Variants in OSBPL10 observed in about 807,000 individuals in gnomAD.
OSBPL10 encodes the protein oxysterol binding protein like 10, also known as oxysterol-binding protein-related protein 10.
OSBPL10 carries 49 observed loss-of-function variants against 81.7 expected under a neutral mutation model. The ratio of observed to expected loss-of-function variants is 0.60; its 90% CI spans 0.48 to 0.76. The LOEUF (loss-of-function observed/expected upper bound fraction) is 0.76, where lower values mean the gene tolerates loss of function less well. Ranked by LOEUF, OSBPL10 falls within the 30% of genes least tolerant of loss-of-function variation. OSBPL10 has a pLI of 0.00. For synonymous variants in OSBPL10, 419 were observed against 383.6 expected (o/e 1.09, Z -1.08); for missense variants, 923 against 987.8 (o/e 0.93, Z 0.88).
chr3:31,891,968 T>G (rs889567204), intron 1 of OSBPL10, among the ~76,000 whole-genome samples: 1 of 152,168 alleles, frequency 6.6e-6, no homozygotes. Context: ...ACATGTGGTA[T>G]GGGTGACAAA....
At chr3:31,808,409 T>A (rs1699574697) in intron 4 of OSBPL10, among the ~76,000 whole-genome samples, 1 of 152,232 alleles carries the variant, frequency 6.6e-6, no homozygotes, top group African/African-American at 2.4e-5. Context: ...GGCAACAGTA[T>A]CTCTATCCAA....
At chr3:32,014,052 TC>T (rs1450839875) in intron 2 of OSBPL10, among the ~76,000 whole-genome samples, 1 of 152,106 alleles carries the variant, frequency 6.6e-6, no homozygotes, top group African/African-American at 2.4e-5. Context: ...CTGAAACTAT[TC>T]CAATCAATAG....
chr3:31,664,013 A>G, intron 11 of OSBPL10, 66 bp downstream of exon 11: 1 of 1,613,470 alleles, frequency 6.2e-7, no homozygotes. Flanking sequence ...AGCAAGAAAA[A>G]CCCATCTACC....
At chr3:31,690,704 T>G (rs1238717644) in intron 7 of OSBPL10, among the ~76,000 whole-genome samples, 1 of 152,156 alleles carries the variant, frequency 6.6e-6, no homozygotes, top group Non-Finnish European at 1.5e-5. Flanking sequence ...AAAAATAGAA[T>G]ACCTGGAGAG....
At position 31,842,772 on chromosome 3, in the gene OSBPL10, A is replaced by G. The variant is rs113921285; in HGVS notation, c.538-12541T>C. Among the ~76,000 whole-genome samples the G allele has an allele frequency of 6.7e-3, 1,018 of 152,266 alleles. 16 individuals carry two copies. Among genetic ancestry groups the G allele is most frequent in the South Asian group, 0.06 (287 of 4,810 alleles). The stretch of plus-strand genomic sequence containing the variant: ...TCCTACAGCTTTAACAGACTTAGTG[A>G]CTTTAAGTCTAACGGATCAACTGGC... On this transcript the variant is annotated intron_variant, in intron 3 of 11. Coordinates refer to ENST00000396556, the MANE Select transcript of OSBPL10 (RefSeq NM_017784.5).
chr3:31,777,079 T>C lies in OSBPL10; in HGVS notation c.730-28959A>G, dbSNP rs904710287. Among the ~76,000 whole-genome samples the C allele has an allele frequency of 3.9e-5, 6 of 152,342 alleles. 2 individuals are homozygous for C. Among genetic ancestry groups the C allele is most frequent in the Admixed American group, 1.3e-4 (2 of 15,286 alleles). Reference sequence around the variant, plus strand: ...TAAATGTTGTTTACTATAAAAGTCATGCAATTATCAATGGAGTTTGCAACT... The same window carrying C: ...TAAATGTTGTTTACTATAAAAGTCACGCAATTATCAATGGAGTTTGCAACT... On this transcript the variant is annotated intron_variant, in intron 4 of 11. Transcript: ENST00000396556.
chr3:31,663,798 G>A (rs1356300925), intron 11 of OSBPL10: 11 of 1,348,796 alleles, frequency 8.2e-6, no homozygotes, highest in East Asian at 3.2e-5. Context: ...GTCCCATCGC[G>A]ATCCCTCACA....
intron 3 of OSBPL10, among the ~76,000 whole-genome samples, chr3:31,876,150 C>G (rs577395466): frequency 6.6e-6 from 1 of 152,060 alleles, no homozygotes; most frequent in East Asian, 1.9e-4. Flanking sequence ...TAGAGCTTCT[C>G]AATAGACCAA....
At chr3:31,728,461 C>CT (rs1696875874) in intron 6 of OSBPL10, among the ~76,000 whole-genome samples, 1 of 152,180 alleles carries the variant, frequency 6.6e-6, no homozygotes. Flanking sequence ...TTTTTCATTG[C>CT]TCCCCCTTTC....
At position 31,683,725 on chromosome 3, in the gene OSBPL10, C is replaced by T. The variant is rs767020374; in HGVS notation, c.1635G>A (p.Glu545=). ...HHPPISCFYC[E]CEEKRLCVNT... is the part of the protein sequence containing the mutation. Reference sequence around the variant, plus strand: ...TGACGCACAGTCTCTTCTCCTCGCACTCACAGTAGAAGCAGGAGATGGGTG... The same window carrying T: ...TGACGCACAGTCTCTTCTCCTCGCATTCACAGTAGAAGCAGGAGATGGGTG... The change falls in exon 8 of 12, where the codon GAG becomes GAA. Residue 545 remains glutamate (E), a synonymous_variant. Coordinates refer to ENST00000396556, the MANE Select transcript of OSBPL10 (RefSeq NM_017784.5). 1.1e-5 allele frequency: 17 copies of T among 1,614,098 alleles called. No homozygotes were observed. The South Asian group carries it at 1.3e-4, about 13-fold the overall frequency.
chr3:31,920,816 G>A (rs1335893310), intron 1 of OSBPL10, among the ~76,000 whole-genome samples: 3 of 152,040 alleles, frequency 2.0e-5, no homozygotes, highest in Non-Finnish European at 4.4e-5. Flanking sequence ...GCTTAAAGAA[G>A]CCTGGCTTCT....
intron 3 of OSBPL10, among the ~76,000 whole-genome samples, chr3:31,852,822 G>A (rs1191241309): frequency 2.6e-5 from 4 of 151,852 alleles, no homozygotes; most frequent in Admixed American, 2.0e-4. Flanking sequence ...CAAGTGATCC[G>A]CCTGCCTCAG....
intron 4 of OSBPL10, among the ~76,000 whole-genome samples, chr3:31,786,114 C>T (rs1006762592): frequency 1.3e-5 from 2 of 152,140 alleles, no homozygotes; most frequent in South Asian, 2.1e-4. Context: ...CAGTGAGCCA[C>T]CTTCTAATAT....
chr3:31,713,608 G>C (rs1210552996), intron 6 of OSBPL10, among the ~76,000 whole-genome samples: 1 of 152,070 alleles, frequency 6.6e-6, no homozygotes, highest in Non-Finnish European at 1.5e-5. Context: ...TGTTGCCCGA[G>C]CTGGTCTTGA....
At chr3:31,844,598 T>C (rs1285689453) in intron 3 of OSBPL10, among the ~76,000 whole-genome samples, 1 of 152,040 alleles carries the variant, frequency 6.6e-6, no homozygotes. Flanking sequence ...GAATAGTAAA[T>C]CCATAGAAAC....
In OSBPL10 at chr3:31,809,738, G is replaced by C. The variant is rs537964562; in HGVS notation, c.729+20302C>G. On this transcript the variant is annotated intron_variant, in intron 4 of 11. Coordinates refer to ENST00000396556, the MANE Select transcript of OSBPL10 (RefSeq NM_017784.5). ...TGCCAACAAACCAGAGAAAACCATAGACCCAAGTACTTAATTTAGTATGCA... is the reference window on the plus strand; with the variant it reads ...TGCCAACAAACCAGAGAAAACCATACACCCAAGTACTTAATTTAGTATGCA... Among the ~76,000 whole-genome samples the C allele has an allele frequency of 7.2e-5, 11 of 152,200 alleles. No individual in the cohort carries two copies. In the East Asian group the frequency reaches 1.5e-3, roughly 21 times the overall value.
chr3:32,029,606 C>T (rs1163894168), intron 2 of OSBPL10, among the ~76,000 whole-genome samples: 1 of 152,142 alleles, frequency 6.6e-6, no homozygotes, highest in Non-Finnish European at 1.5e-5. Context: ...GAATCAACAT[C>T]ATGTTCTTAT....
chr3:31,946,336 A>C (rs1211290599), intron 1 of OSBPL10, among the ~76,000 whole-genome samples: 2 of 152,080 alleles, frequency 1.3e-5, no homozygotes, highest in Non-Finnish European at 2.9e-5. Flanking sequence ...TTTCAATAAT[A>C]ACAAAAAAAT....
chr3:31,679,126 T>C (rs1352855269), intron 8 of OSBPL10, among the ~76,000 whole-genome samples: 1 of 152,112 alleles, frequency 6.6e-6, no homozygotes, highest in Non-Finnish European at 1.5e-5. Flanking sequence ...CCCCAGCCAC[T>C]AGCTCCCAAC....
Sources: gnomAD v4.1 joint callset for allele counts (sites outside exome capture counted in the v4.1 genomes callset) on GRCh38, gnomAD v4.1.1 for gene constraint, MANE v1.5 for transcripts, NCBI Gene and HGNC (gene_info 2026-07-23, HGNC 2026-07-21) for gene names.